ENOX1: variants seen among roughly 807,000 people sequenced by gnomAD.
ENOX1 encodes the protein candidate growth-related and time keeping constitutive hydroquinone (NADH) oxidase.
ENOX1 carries 42 observed loss-of-function variants against 82.5 expected under a neutral mutation model. The ratio of observed to expected loss-of-function variants is 0.51; its 90% CI spans 0.40 to 0.66. The LOEUF (loss-of-function observed/expected upper bound fraction) is 0.66. Ranked by LOEUF, ENOX1 falls within the 30% of genes least tolerant of loss-of-function variation. The pLI is 0.00. For synonymous variants in ENOX1, 271 were observed against 282.2 expected, an observed-to-expected ratio of 0.96 and a Z score of 0.40; for missense variants, 608 against 811.6, an observed-to-expected ratio of 0.75 and a Z score of 3.05.
rs148971053 is a variant in ENOX1 at position 43,492,874 on chromosome 13, A to T, written c.-218-8722T>A. On this transcript the variant is annotated intron_variant, in intron 2 of 16. Coordinates refer to ENST00000690772, the MANE Select transcript of ENOX1 (RefSeq NM_001347969.2). ...CACAAGTCTAGATGTTACTGTGAAG[A>T]TGTTAAAATTAACATTTAATTAGTA... 8.5e-4 allele frequency among the ~76,000 whole-genome samples: 129 copies of T among 152,342 alleles called. 1 individual carries two copies. The highest frequency in any genetic ancestry group is 3.0e-3 in the African/African-American group (124 of 41,578).
Position 43,347,950 on chromosome 13 carries a change from T to C in ENOX1, c.824-3200A>G, listed in dbSNP as rs544265044. On this transcript the variant is annotated intron_variant, in intron 8 of 16. Coordinates refer to ENST00000690772, the MANE Select transcript of ENOX1 (RefSeq NM_001347969.2). ...AATTACCCACCGTTTTCTAATCAGG[T>C]CCTCACAATGTTAATGCACCTGAGT... Among the ~76,000 whole-genome samples, 273 of 152,304 alleles carry C rather than the reference T, an allele frequency of 1.8e-3. 1 individual carries two copies. The highest frequency in any genetic ancestry group is 5.6e-3 in the African/African-American group (233 of 41,556).
intron 5 of ENOX1, among the ~76,000 whole-genome samples, chr13:43,365,032 T>C (rs2050760370): frequency 6.6e-6 from 1 of 152,196 alleles, no homozygotes. Context: ...CTAGTGAATT[T>C]CAACTTTGCT....
intron 2 of ENOX1, among the ~76,000 whole-genome samples, chr13:43,486,618 A>G (rs891759773): frequency 1.3e-5 from 2 of 152,164 alleles, no homozygotes; most frequent in South Asian, 4.1e-4. Context: ...TTGTAAAGAG[A>G]TACAACTAGG....
At chr13:43,681,686 AACACACACACACACACAC>A (rs3044219) in intron 1 of ENOX1, among the ~76,000 whole-genome samples, 27 of 135,344 alleles carry the variant, frequency 2.0e-4, no homozygotes, top group Non-Finnish European at 3.2e-4. Context: ...ATAATGCATA[AACACACACACACACACAC>A]ACACACACAC....
At position 43,234,502 on chromosome 13, in the gene ENOX1, C is replaced by T. The variant is rs536287805; in HGVS notation, c.1714+2134G>A. Among the ~76,000 whole-genome samples the T allele has an allele frequency of 1.8e-4, 28 of 152,252 alleles. 1 individual carries two copies. In the Middle Eastern group the frequency reaches 0.01, roughly 56 times the overall value. On this transcript the variant is annotated intron_variant, in intron 15 of 16. Transcript: ENST00000690772. Reference sequence around the variant, plus strand: ...ATATATTGATTCAAAATAAGTGTCACCCCCTGTTTCTCTTTTGCTCTACTC... The same window carrying T: ...ATATATTGATTCAAAATAAGTGTCATCCCCTGTTTCTCTTTTGCTCTACTC...
At chr13:43,539,927 T>A (rs148004058) in intron 2 of ENOX1, among the ~76,000 whole-genome samples, 39 of 152,312 alleles carry the variant, frequency 2.6e-4, no homozygotes, top group African/African-American at 6.5e-4. Context: ...GTAATTTTTT[T>A]TTATTTAAGG....
intron 1 of ENOX1, among the ~76,000 whole-genome samples, chr13:43,757,512 G>C (rs1950720354): frequency 6.6e-6 from 1 of 152,142 alleles, no homozygotes; most frequent in Non-Finnish European, 1.5e-5. Context: ...ATGTGAGTGA[G>C]GACACCCTCA....
intron 3 of ENOX1, among the ~76,000 whole-genome samples, chr13:43,436,812 C>T (rs1332478515): frequency 6.6e-6 from 1 of 151,852 alleles, no homozygotes; most frequent in African/African-American, 2.4e-5. Context: ...GGTATCAGGG[C>T]TAATAAGTGT....
chr13:43,586,433 G>A (rs1448977301), intron 2 of ENOX1, among the ~76,000 whole-genome samples: 1 of 152,154 alleles, frequency 6.6e-6, no homozygotes, highest in Non-Finnish European at 1.5e-5. Context: ...TTTGTCTGCT[G>A]TTCTCTCACT....
At chr13:43,597,070 G>T (rs1433809425) in intron 2 of ENOX1, among the ~76,000 whole-genome samples, 1 of 152,218 alleles carries the variant, frequency 6.6e-6, no homozygotes, top group African/African-American at 2.4e-5. Context: ...AGGCGAAGGG[G>T]AAGAAAGCAT....
chr13:43,598,368 A>G (rs1392356788), intron 2 of ENOX1, among the ~76,000 whole-genome samples: 3 of 152,214 alleles, frequency 2.0e-5, no homozygotes, highest in African/African-American at 7.2e-5. Flanking sequence ...GGAACAAGAT[A>G]AATGTTTGTT....
intron 3 of ENOX1, among the ~76,000 whole-genome samples, chr13:43,466,332 A>C (rs946379133): frequency 2.6e-5 from 4 of 152,202 alleles, no homozygotes; most frequent in Non-Finnish European, 4.4e-5. Context: ...CCCTAATACA[A>C]TAAAATGCAT....
At chr13:43,317,160 T>C (rs1015398451) in intron 11 of ENOX1, among the ~76,000 whole-genome samples, 2 of 152,350 alleles carry the variant, frequency 1.3e-5, no homozygotes, top group Non-Finnish European at 2.9e-5. Context: ...GACTGAGCCA[T>C]CTCACTTTCA....
In ENOX1 at chr13:43,371,854, A is replaced by T. The variant is rs932508897; in HGVS notation, c.209-10402T>A. On this transcript the variant is annotated intron_variant, in intron 5 of 16. Transcript: ENST00000690772. ...TAGAGCCTGTTTTAAAGGTAAACAC[A>T]TCATGAATATTCCTAAAGAGAACTG... Among the ~76,000 whole-genome samples the T allele has an allele frequency of 4.6e-5, 7 of 152,218 alleles. No individual in the cohort carries two copies. In the South Asian group the frequency reaches 6.2e-4, roughly 14 times the overall value.
chr13:43,280,352 G>A (rs539114507), intron 12 of ENOX1, among the ~76,000 whole-genome samples: 1 of 152,332 alleles, frequency 6.6e-6, no homozygotes, highest in East Asian at 1.9e-4. Flanking sequence ...TTTTGCAAGC[G>A]ATCTGGGCCT....
rs145058641 is a variant in ENOX1 at position 43,332,414 on chromosome 13, T to G, written c.1037-5889A>C. 2.3e-3 allele frequency among the ~76,000 whole-genome samples: 354 copies of G among 152,262 alleles called. 2 individuals carry two copies. The highest frequency in any genetic ancestry group is 8.1e-3 in the African/African-American group (335 of 41,544). On this transcript the variant is annotated intron_variant, in intron 9 of 16. Coordinates refer to ENST00000690772, the MANE Select transcript of ENOX1 (RefSeq NM_001347969.2). ...GCTCAGGTGGCAATGCTCACTCACC[T>G]GGTGCTCACTTCCTGCTGTGCGGCC...
At chr13:43,708,769 T>G (rs1186019863) in intron 1 of ENOX1, among the ~76,000 whole-genome samples, 2 of 152,108 alleles carry the variant, frequency 1.3e-5, no homozygotes, top group Non-Finnish European at 2.9e-5. Context: ...GAGCTACATA[T>G]AAAAACTAAA....
chr13:43,537,039 C>T (rs1053235193), intron 2 of ENOX1, among the ~76,000 whole-genome samples: 7 of 152,190 alleles, frequency 4.6e-5, no homozygotes, highest in Non-Finnish European at 7.3e-5. Context: ...AAAAACCACA[C>T]ATAGGTAAAG....
chr13:43,659,404 C>T (rs887885495), intron 2 of ENOX1, among the ~76,000 whole-genome samples: 7 of 151,868 alleles, frequency 4.6e-5, no homozygotes, highest in African/African-American at 1.5e-4. Context: ...GTGGGAGAAT[C>T]GCTTGAGCCT....
Sources: allele counts gnomAD v4.1 joint callset (sites outside exome capture counted in the v4.1 genomes callset), GRCh38; gene constraint gnomAD v4.1.1; transcripts MANE v1.5; gene names NCBI Gene and HGNC (gene_info 2026-07-23, HGNC 2026-07-21).